FNBP4: variants seen among roughly 807,000 people sequenced by gnomAD.
The protein encoded by FNBP4 is formin binding protein 4.
Under a neutral mutation model 119.3 loss-of-function variants are expected in FNBP4, and 34 were observed. That is an observed-to-expected ratio of 0.28 (90% CI 0.22 to 0.38). The LOEUF is 0.38. Among genes scored for constraint, FNBP4 ranks in the 10% least tolerant of loss-of-function variants. FNBP4 has a pLI of 1.00. For missense variants in FNBP4, 1,112 were observed against 1,228.9 expected, an observed-to-expected ratio of 0.90 and a Z score of 1.42; for synonymous variants, 462 against 430.6, an observed-to-expected ratio of 1.07 and a Z score of -0.90.
At chr11:47,727,289 G>C (rs965341769) in intron 12 of FNBP4, among the ~76,000 whole-genome samples, 1 of 118,060 alleles carries the variant, frequency 8.5e-6, no homozygotes, top group African/African-American at 3.2e-5. Context: ...TCACTCTCTT[G>C]TCCACGCCGG....
At chr11:47,739,432 CTAGAGT>C (rs1013954297) in intron 8 of FNBP4, among the ~76,000 whole-genome samples, 2 of 152,072 alleles carry the variant, frequency 1.3e-5, no homozygotes, top group Admixed American at 6.5e-5. Context: ...TTAAGGATGG[CTAGAGT>C]TAAAGACTAG....
At chr11:47,760,481 G>A (rs1235946077) in intron 2 of FNBP4, among the ~76,000 whole-genome samples, 1 of 150,732 alleles carries the variant, frequency 6.6e-6, no homozygotes, top group African/African-American at 2.4e-5. Flanking sequence ...ACCCAGGCTG[G>A]AGCGCAGCAG....
At chr11:47,728,848 C>CAT (rs1554977082) in intron 12 of FNBP4, among the ~76,000 whole-genome samples, 1 of 113,586 alleles carries the variant, frequency 8.8e-6, no homozygotes. Flanking sequence ...CTGTAGGCGT[C>CAT]TTTTTTTTTT....
At chr11:47,742,082 T>C (rs1210889333) in intron 8 of FNBP4, among the ~76,000 whole-genome samples, 1 of 152,218 alleles carries the variant, frequency 6.6e-6, no homozygotes, top group Non-Finnish European at 1.5e-5. Flanking sequence ...TGCTCTCATA[T>C]ATGGTAAAAT....
chr11:47,726,634 T>C (rs1468388189), intron 12 of FNBP4: 1 of 152,150 alleles, frequency 6.6e-6, no homozygotes. Context: ...GTTTTCTGGC[T>C]AAATGACCTC....
At chr11:47,733,175 A>AT (rs2097569492) in intron 10 of FNBP4, among the ~76,000 whole-genome samples, 1 of 152,194 alleles carries the variant, frequency 6.6e-6, no homozygotes, top group Non-Finnish European at 1.5e-5. Context: ...GCTCCAGTAT[A>AT]TTTTAACACT....
At chr11:47,741,569 G>T (rs941971918) in intron 8 of FNBP4, among the ~76,000 whole-genome samples, 6 of 151,710 alleles carry the variant, frequency 4.0e-5, no homozygotes, top group African/African-American at 1.5e-4. Flanking sequence ...TGTAATCCCA[G>T]CACTTTGGGA....
At chr11:47,766,250 G>A (rs1315610200) in intron 1 of FNBP4, among the ~76,000 whole-genome samples, 1 of 151,954 alleles carries the variant, frequency 6.6e-6, no homozygotes, top group African/African-American at 2.4e-5. Context: ...GGAGGTGGAG[G>A]TTGCAGTGAG....
chr11:47,720,700 C>T (rs1019671811), intron 15 of FNBP4, among the ~76,000 whole-genome samples: 3 of 150,630 alleles, frequency 2.0e-5, no homozygotes, highest in Admixed American at 6.6e-5. Context: ...GCCTTTATCG[C>T]GTCTCAGAAT....
At chr11:47,752,893 A>T (rs775939954) in intron 4 of FNBP4, 23 bp downstream of exon 4, 3 of 1,584,548 alleles carry the variant, frequency 1.9e-6, no homozygotes, top group Non-Finnish European at 2.6e-6. Flanking sequence ...ACTTTTCTTT[A>T]AAAATCAAAG....
chr11:47,732,505 G>A lies in FNBP4; in HGVS notation c.1820+32C>T. On this transcript the variant is annotated intron_variant, in intron 11 of 16. Coordinates refer to ENST00000263773, the MANE Select transcript of FNBP4 (RefSeq NM_015308.5). The surrounding 1 kb of genome is among the most constrained non-coding windows in gnomAD (Gnocchi z 4.2). ...ACAAATCATGTCTGAGATGTCAAAGGTGAAAGGTGAAAAGGGGAGAAGAGT... is the reference window on the plus strand; with the variant it reads ...ACAAATCATGTCTGAGATGTCAAAGATGAAAGGTGAAAAGGGGAGAAGAGT... The A allele has an allele frequency of 6.2e-7, 1 of 1,613,434 alleles. No homozygotes were observed.
intron 2 of FNBP4, among the ~76,000 whole-genome samples, chr11:47,763,249 A>G (rs2097639838): frequency 6.6e-6 from 1 of 151,910 alleles, no homozygotes; most frequent in African/African-American, 2.4e-5. Flanking sequence ...GGATCACTTG[A>G]AGTCAGGAGT....
At chr11:47,749,836 G>A (rs574421956) in intron 6 of FNBP4, among the ~76,000 whole-genome samples, 7 of 152,126 alleles carry the variant, frequency 4.6e-5, no homozygotes, top group South Asian at 4.1e-4. Context: ...TAAGTATAAC[G>A]CAAATATTTC....
chr11:47,754,975 C>T (rs921296787), intron 2 of FNBP4, among the ~76,000 whole-genome samples: 1 of 150,984 alleles, frequency 6.6e-6, no homozygotes, highest in Non-Finnish European at 1.5e-5. Context: ...AACCCCATCT[C>T]TATTAAAAAT....
intron 4 of FNBP4, chr11:47,752,619 G>C (rs1337813588): frequency 3.4e-5 from 8 of 234,876 alleles, no homozygotes; most frequent in Admixed American, 9.9e-5. Context: ...GACCAGCCTT[G>C]GGCAACACAG....
chr11:47,719,565 G>T (rs1056604058), intron 16 of FNBP4, among the ~76,000 whole-genome samples: 1 of 134,054 alleles, frequency 7.5e-6, no homozygotes, highest in Non-Finnish European at 1.6e-5. Context: ...AAGTTAATAT[G>T]TTATGTGTGT....
chr11:47,750,688 CAAAAAAAAAAA>C (rs67153479), intron 6 of FNBP4, among the ~76,000 whole-genome samples: 80 of 68,070 alleles, frequency 1.2e-3, no homozygotes, highest in Middle Eastern at 0.014. Flanking sequence ...GACTCTGTCT[CAAAAAAAAAAA>C]AAAAAAAAAA....
Position 47,751,171 on chromosome 11 carries a change from C to G in FNBP4, c.757G>C (p.Val253Leu), listed in dbSNP as rs774750854. Reference sequence around the variant, plus strand: ...GGCTGGTAATGCTGTAATCCCTGTACCTGTGTGGCAAGATATTGGGGTAAC... The same window carrying G: ...GGCTGGTAATGCTGTAATCCCTGTAGCTGTGTGGCAAGATATTGGGGTAAC... Reference protein sequence around the residue: ...WELPQYLATQVQGLQHYQPSS... With the variant: ...WELPQYLATQLQGLQHYQPSS... Residue 253 changes from valine (V) to leucine (L), a missense_variant, in exon 5 of 17, where the codon GTA (valine) becomes CTA (leucine). By Grantham distance (32) the Val-to-Leu change is conservative (BLOSUM62 1). Coordinates refer to ENST00000263773, the MANE Select transcript of FNBP4 (RefSeq NM_015308.5). 2 of 1,614,006 alleles carry G rather than the reference C, an allele frequency of 1.2e-6. No homozygotes were observed. Among genetic ancestry groups the G allele is most frequent in the African/African-American group, 2.7e-5 (2 of 74,900 alleles).
rs1024099924 is a variant in FNBP4, at chr11:47,746,223, T to C, written c.1078A>G (p.Thr360Ala). The change falls in exon 7 of 17, where the codon ACA becomes GCA. Residue 360 changes from threonine (T) to alanine (A), a missense_variant. This residue lies in a region of FNBP4 where 826 missense variants were observed against 988.8 expected (regional missense o/e 0.84). Transcript: ENST00000263773. ...EPVSEVKETS[T>A]TVEEATTIVK... ...ATTGTTGTTGCTTCTTCTACTGTTG[T>C]ACTTGTTTCTTTTACTTCTGAAACT... 4 of 1,614,058 alleles carry C rather than the reference T, an allele frequency of 2.5e-6. No individual in the cohort carries two copies. Among genetic ancestry groups the C allele is most frequent in the African/African-American group, 2.7e-5 (2 of 74,940 alleles).
Sources: allele counts gnomAD v4.1 joint callset (sites outside exome capture counted in the v4.1 genomes callset), GRCh38; gene constraint gnomAD v4.1.1; regional missense constraint gnomAD v4.1.1; non-coding constraint Gnocchi (gnomAD v3.1); transcripts MANE v1.5; gene names NCBI Gene and HGNC (gene_info 2026-07-23, HGNC 2026-07-21).